TYW5: variants seen among roughly 807,000 people sequenced by gnomAD.
The protein encoded by TYW5 is tRNA-yW synthesizing protein 5.
In TYW5, 36 loss-of-function variants were observed where a neutral mutation model predicts 44.4. The observed-to-expected ratio is 0.81, with a 90% CI of 0.62 to 1.07. The LOEUF (loss-of-function observed/expected upper bound fraction) is 1.07, where lower values mean the gene tolerates loss of function less well. Ranked by LOEUF, TYW5 falls within the 50% of genes least tolerant of loss-of-function variation. The probability of loss-of-function intolerance (pLI) is 0.00; values close to 1 mark genes in which losing one functional copy is unlikely to be tolerated. For missense variants in TYW5, 354 were observed against 365.7 expected, an observed-to-expected ratio of 0.97 and a Z score of 0.26; for synonymous variants, 121 against 128.1, an observed-to-expected ratio of 0.94 and a Z score of 0.37.
chr2:199,955,491 T>C lies in TYW5; in HGVS notation c.-21A>G. On this transcript the variant is annotated 5_prime_UTR_variant, in exon 1 of 8. Transcript: ENST00000354611. The stretch of plus-strand genomic sequence containing the variant: ...GCCATGGTTGCTCACGCCTGCCCTC[T>C]TCCAGGTCTTCGGAACTTCGGCTCT... The C allele has an allele frequency of 6.2e-7, 1 of 1,611,668 alleles. No homozygotes were observed. The highest frequency in any genetic ancestry group is 1.7e-4 in the Middle Eastern group (1 of 6,050).
At chr2:199,945,085 CCTAA>C (rs1319587231) in intron 2 of TYW5, 5 of 152,258 alleles carry the variant, frequency 3.3e-5, no homozygotes, top group African/African-American at 7.2e-5. Flanking sequence ...GTGCAACTCT[CCTAA>C]CTGAGTATGG....
Position 199,950,713 on chromosome 2 carries a change from G to C in TYW5, c.79-2241C>G, listed in dbSNP as rs114667746. ...ATGGGATGGTATCTTGTCCAGGATT[G>C]GTTCCTACCTTGTGCCCTGAGCTGC... On this transcript the variant is annotated intron_variant, in intron 1 of 7. Coordinates refer to ENST00000354611, the MANE Select transcript of TYW5 (RefSeq NM_001039693.3). Among the ~76,000 whole-genome samples, 1,264 of 152,264 alleles carry C rather than the reference G, an allele frequency of 8.3e-3. 32 individuals are homozygous for C. In the East Asian group the frequency reaches 0.088, roughly 11 times the overall value.
At position 199,950,888 on chromosome 2, in the gene TYW5, A is replaced by G. The variant is rs570506140; in HGVS notation, c.79-2416T>C. ...CAATAAACAAGGGGGTATGAAAGCAATCAGCAAACCTGTCACACTTGTTTT... is the reference window on the plus strand; with the variant it reads ...CAATAAACAAGGGGGTATGAAAGCAGTCAGCAAACCTGTCACACTTGTTTT... On this transcript the variant is annotated intron_variant, in intron 1 of 7. Coordinates refer to ENST00000354611, the MANE Select transcript of TYW5 (RefSeq NM_001039693.3). Among the ~76,000 whole-genome samples, 11 of 152,368 alleles carry G rather than the reference A, an allele frequency of 7.2e-5. No individual in the cohort carries two copies. The South Asian group carries it at 2.3e-3, about 32-fold the overall frequency.
chr2:199,940,379 G>A (rs926881078), intron 3 of TYW5, among the ~76,000 whole-genome samples: 2 of 152,124 alleles, frequency 1.3e-5, no homozygotes, highest in Non-Finnish European at 2.9e-5. Context: ...ATCGCTGGGC[G>A]TGGTGGGTCA....
chr2:199,938,911 AT>A (rs1376041605), intron 5 of TYW5, 21 bp downstream of exon 5: 1 of 1,574,254 alleles, frequency 6.4e-7, no homozygotes, highest in East Asian at 2.2e-5. Flanking sequence ...GTAGCTTTAA[AT>A]TTCTCATTTA....
chr2:199,941,575 T>TTTTA (rs2077465057), intron 3 of TYW5, among the ~76,000 whole-genome samples: 1 of 152,210 alleles, frequency 6.6e-6, no homozygotes, highest in Non-Finnish European at 1.5e-5. Context: ...GCTTTTCTAT[T>TTTTA]TTTAGCTAGC....
chr2:199,955,056 T>G (rs563179242), intron 1 of TYW5, among the ~76,000 whole-genome samples: 7 of 152,290 alleles, frequency 4.6e-5, no homozygotes, highest in African/African-American at 1.7e-4. Flanking sequence ...CCTTTTTGGC[T>G]CAGTGGAGTG....
chr2:199,940,878 T>C (rs2077458838), intron 3 of TYW5, among the ~76,000 whole-genome samples: 1 of 152,118 alleles, frequency 6.6e-6, no homozygotes, highest in African/African-American at 2.4e-5. Context: ...ATAAATACCT[T>C]ATGCTTTTAA....
At chr2:199,940,508 T>C (rs2077455117) in intron 3 of TYW5, among the ~76,000 whole-genome samples, 2 of 151,828 alleles carry the variant, frequency 1.3e-5, no homozygotes. Flanking sequence ...CTGGGCATGG[T>C]GGTACGTGCC....
intron 3 of TYW5, among the ~76,000 whole-genome samples, chr2:199,941,454 G>T (rs1218862160): frequency 6.6e-6 from 1 of 152,108 alleles, no homozygotes; most frequent in East Asian, 1.9e-4. Context: ...TCCAAACTCA[G>T]AATTCTGCCT....
chr2:199,951,938 A>C (rs1182708888), intron 1 of TYW5, among the ~76,000 whole-genome samples: 1 of 151,036 alleles, frequency 6.6e-6, no homozygotes, highest in Non-Finnish European at 1.5e-5. Context: ...AATGGCATGA[A>C]CCCGGGAGAC....
rs768006799 is a variant in TYW5 at position 199,932,053 on chromosome 2, A to G, written c.*1014T>C. 1 of 152,192 alleles carries G rather than the reference A, an allele frequency of 6.6e-6. No homozygotes were observed. The highest frequency in any genetic ancestry group is 1.5e-5 in the Non-Finnish European group (1 of 68,030). 9.4% of individuals were successfully genotyped at this position (152,192 alleles called of 1,614,324 possible). On this transcript the variant is annotated 3_prime_UTR_variant, in exon 8 of 8. Transcript: ENST00000354611. Reference sequence around the variant, plus strand: ...ATTTATTTTGTAACATTCAAAAACCAAAAACCACCCTGACATACTGGGTGG... The same window carrying G: ...ATTTATTTTGTAACATTCAAAAACCGAAAACCACCCTGACATACTGGGTGG...
chr2:199,936,102 A>T (rs2105692335), intron 6 of TYW5, 55 bp from the exon 7 acceptor site: 1 of 1,040,186 alleles, frequency 9.6e-7, no homozygotes, highest in African/African-American at 1.6e-5. Context: ...CATTTTAAAA[A>T]AAGTAATCAC....
chr2:199,938,901 G>A (rs1030353679), intron 5 of TYW5, 32 bp downstream of exon 5: 8 of 1,564,972 alleles, frequency 5.1e-6, no homozygotes, highest in Non-Finnish European at 6.0e-6. Flanking sequence ...AAGATCTATT[G>A]TAGCTTTAAA....
intron 6 of TYW5, among the ~76,000 whole-genome samples, 176 bp downstream of exon 6, chr2:199,936,229 G>C (rs1012110883): frequency 1.3e-5 from 2 of 152,082 alleles, no homozygotes; most frequent in Admixed American, 1.3e-4. Flanking sequence ...CTTTAATTCT[G>C]ATGACTGATA....
intron 3 of TYW5, 91 bp downstream of exon 3, chr2:199,943,674 T>C: frequency 1.0e-6 from 1 of 985,336 alleles, no homozygotes; most frequent in African/African-American, 1.7e-5. Context: ...GAGACGGCTG[T>C]TGCTCTTGTG....
chr2:199,936,809 C>T (rs1433318992), intron 5 of TYW5, among the ~76,000 whole-genome samples: 2 of 152,158 alleles, frequency 1.3e-5, no homozygotes, highest in Non-Finnish European at 2.9e-5. Context: ...TTAATATTTA[C>T]TATCTGTTAA....
At chr2:199,933,401 GAA>G in intron 7 of TYW5, 78 bp from the exon 8 acceptor site, 1 of 1,211,954 alleles carries the variant, frequency 8.3e-7, no homozygotes, top group Non-Finnish European at 1.2e-6. Flanking sequence ...GAAATATCAC[GAA>G]TTGCATATAG....
At position 199,943,788 on chromosome 2, in the gene TYW5, G is replaced by C; in HGVS notation, c.280C>G (p.His94Asp). ...ACCTCTGAAACAAAGAATTCTTTAT[G>C]TTTCTCTTCAGCTGCCCTCTGGACC... is the stretch of plus-strand genomic sequence containing the variant. The part of the protein sequence containing the change: ...QLVQRAAEEK[H>D]KEFFVSEDEK... Residue 94 changes from histidine (H) to aspartate (D), a missense_variant, in exon 3 of 8, where the codon CAT (histidine) becomes GAT (aspartate). Coordinates refer to ENST00000354611, the MANE Select transcript of TYW5 (RefSeq NM_001039693.3). 6.2e-7 allele frequency: 1 copy of C among 1,610,622 alleles called. No homozygotes were observed. Among genetic ancestry groups the C allele is most frequent in the Non-Finnish European group, 8.5e-7 (1 of 1,179,228 alleles).
Sources: gnomAD v4.1 joint callset for allele counts (sites outside exome capture counted in the v4.1 genomes callset) on GRCh38, gnomAD v4.1.1 for gene constraint, MANE v1.5 for transcripts, NCBI Gene and HGNC (gene_info 2026-07-23, HGNC 2026-07-21) for gene names.